The following ITGAX variants were observed in gnomAD, a reference collection of about 807,000 sequenced individuals.
The protein encoded by ITGAX is integrin alpha-X.
A neutral mutation model predicts 140.2 loss-of-function variants in ITGAX; 99 were observed. The ratio of observed to expected loss-of-function variants is 0.71; its 90% CI spans 0.60 to 0.83. The LOEUF (loss-of-function observed/expected upper bound fraction) is 0.83. Ranked by LOEUF, ITGAX falls within the 40% of genes least tolerant of loss-of-function variation. The pLI is 0.00. For missense variants in ITGAX, 1,444 were observed against 1,482.0 expected, an observed-to-expected ratio of 0.97 and a Z score of 0.42; for synonymous variants, 631 against 600.4, an observed-to-expected ratio of 1.05 and a Z score of -0.75.
intron 20 of ITGAX, among the ~76,000 whole-genome samples, chr16:31,375,294 G>T (rs1218282984): frequency 6.6e-6 from 1 of 152,184 alleles, no homozygotes; most frequent in Admixed American, 6.5e-5. Flanking sequence ...AGGATTACAG[G>T]CGTAAGCCAC....
intron 19 of ITGAX, among the ~76,000 whole-genome samples, chr16:31,372,915 A>AAACAACAAC (rs58659724): frequency 0.018 from 2,627 of 149,636 alleles, 41 homozygotes; most frequent in African/African-American, 0.034. Context: ...CACAAAAACA[A>AAACAACAAC]AACAACAACA....
At chr16:31,374,500 C>T (rs1217695041) in intron 20 of ITGAX, among the ~76,000 whole-genome samples, 1 of 152,096 alleles carries the variant, frequency 6.6e-6, no homozygotes, top group Non-Finnish European at 1.5e-5. Context: ...AGTGCAGTGG[C>T]ACAATTTCAG....
At chr16:31,380,648 G>A (rs571821467) in intron 28 of ITGAX, 24 bp downstream of exon 28, 25 of 1,613,412 alleles carry the variant, frequency 1.5e-5, no homozygotes, top group East Asian at 6.7e-5. Context: ...GGAGGGCAGC[G>A]ACCAGGCTGG....
In ITGAX at chr16:31,373,289, G is replaced by A. The variant is rs761753729; in HGVS notation, c.2407G>A (p.Ala803Thr). 19 of 1,613,714 alleles carry A rather than the reference G, an allele frequency of 1.2e-5. No individual in the cohort carries two copies. Among genetic ancestry groups the A allele is most frequent in the South Asian group, 1.1e-4 (10 of 91,050 alleles). Residue 803 changes from alanine to threonine, a missense_variant, in exon 20 of 30, where the codon GCA (alanine) becomes ACA (threonine). By Grantham distance (58) the Ala-to-Thr change is moderately conservative (BLOSUM62 0). Transcript: ENST00000268296. ...GGTGGGGAGTAACCTGGAGCTGAAC[G>A]CAGAAGTGATGGTGTGGAATGACGG... ...LLVGSNLELNAEVMVWNDGED... is the reference protein window; with the variant it reads ...LLVGSNLELNTEVMVWNDGED...
At chr16:31,360,781 A>C in intron 8 of ITGAX, 2 of 510,114 alleles carry the variant, frequency 3.9e-6, no homozygotes, top group Non-Finnish European at 6.9e-6. Context: ...CTCCCAAAGC[A>C]CAGGGATTAC....
intron 5 of ITGAX, chr16:31,357,625 T>C (rs751743613): frequency 7.3e-5 from 37 of 506,356 alleles, no homozygotes; most frequent in Admixed American, 1.2e-4. Context: ...CACCCAGCAC[T>C]GAAAGCAACA....
rs776223901 is a variant in ITGAX at position 31,363,010 on chromosome 16, G to A, written c.1435G>A (p.Gly479Arg). 70 of 1,612,020 alleles carry A rather than the reference G, an allele frequency of 4.3e-5. No homozygotes were observed. Among genetic ancestry groups the A allele is most frequent in the Non-Finnish European group, 5.3e-5 (63 of 1,179,852 alleles). The change falls in exon 13 of 30, where the codon GGG becomes AGG. Residue 479 changes from glycine to arginine, a missense_variant. Coordinates refer to ENST00000268296, the MANE Select transcript of ITGAX (RefSeq NM_000887.5). ...CGGCAGCACCGACCTGGTCCTCATC[G>A]GGGCCCCCCATTACTACGAGCAGAC... ...SDGSTDLVLI[G>R]APHYYEQTRG...
intron 5 of ITGAX, chr16:31,358,571 C>G (rs1305243114): frequency 2.6e-5 from 4 of 152,160 alleles, no homozygotes; most frequent in African/African-American, 9.7e-5. Flanking sequence ...CACTGCACTC[C>G]AGCCTGGGTG....
intron 5 of ITGAX, among the ~76,000 whole-genome samples, chr16:31,359,173 A>T (rs2080793439): frequency 6.6e-6 from 1 of 150,654 alleles, no homozygotes; most frequent in Non-Finnish European, 1.5e-5. Flanking sequence ...AGCCTTTTTC[A>T]TTTTTTATTT....
chr16:31,373,180 A>AT, intron 19 of ITGAX, 69 bp from the exon 20 acceptor site: 1 of 743,882 alleles, frequency 1.3e-6, no homozygotes, highest in Non-Finnish European at 2.1e-6. Flanking sequence ...CACCCACCCC[A>AT]TTTTATCCCA....
chr16:31,361,705 G>A, intron 9 of ITGAX, 131 bp from the exon 10 acceptor site: 1 of 1,024,820 alleles, frequency 9.8e-7, no homozygotes, highest in Non-Finnish European at 1.5e-6. Context: ...GGAGGGCAGA[G>A]CCTGGTCCCT....
chr16:31,376,332 T>G (rs1487961753), intron 20 of ITGAX, among the ~76,000 whole-genome samples: 1 of 152,196 alleles, frequency 6.6e-6, no homozygotes, highest in Admixed American at 6.5e-5. Context: ...TTTAAAAACG[T>G]AACCTTGGCT....
chr16:31,381,430 A>G (rs1002863177), intron 29 of ITGAX, among the ~76,000 whole-genome samples: 8 of 152,148 alleles, frequency 5.3e-5, no homozygotes, highest in Non-Finnish European at 7.4e-5. Flanking sequence ...ACGGTGGCTC[A>G]TGGCTGTAAT....
Position 31,382,465 on chromosome 16 carries a change from C to T in ITGAX, c.*558C>T, listed in dbSNP as rs2081078759. On this transcript the variant is annotated 3_prime_UTR_variant, in exon 30 of 30. Coordinates refer to ENST00000268296, the MANE Select transcript of ITGAX (RefSeq NM_000887.5). ...GCTGCTCATCCCCACCTGTCTTCAA[C>T]AGCTCCCCATTACCCTCAGGACAAT... 2 of 1,532,164 alleles carry T rather than the reference C, an allele frequency of 1.3e-6. No homozygotes were observed. The highest frequency in any genetic ancestry group is 3.9e-5 in the Admixed American group (2 of 50,992). The allele number at this position is 1,532,164 out of a possible 1,614,324, so 94.9% of individuals were successfully genotyped here.
rs549010067 is a variant in ITGAX, at chr16:31,379,473, G to A, written c.2790-95G>A. On this transcript the variant is annotated intron_variant, in intron 23 of 29. Coordinates refer to ENST00000268296, the MANE Select transcript of ITGAX (RefSeq NM_000887.5). ...AGCCCTCATTCCAGGACATTCCAAG[G>A]CCCCACCGACCACCTGTCCTCTCAT... 9.9e-6 allele frequency: 12 copies of A among 1,215,092 alleles called. No homozygotes were observed. The Admixed American group carries it at 2.5e-4, about 25-fold the overall frequency. 75.3% of individuals were successfully genotyped at this position (1,215,092 alleles called of 1,614,324 possible).
intron 14 of ITGAX, among the ~76,000 whole-genome samples, chr16:31,370,805 G>T (rs1322848884): frequency 6.6e-6 from 1 of 152,162 alleles, no homozygotes; most frequent in African/African-American, 2.4e-5. Flanking sequence ...CGGCCTCGTG[G>T]CTCATACGTG....
chr16:31,356,951 G>T, intron 3 of ITGAX, 80 bp from the exon 4 acceptor site: 1 of 1,239,984 alleles, frequency 8.1e-7, no homozygotes, highest in Non-Finnish European at 1.1e-6. Context: ...TGTCTCCCAG[G>T]TGGAGGTGAC....
At chr16:31,355,566 T>C (rs892618648) in intron 1 of ITGAX, among the ~76,000 whole-genome samples, 4 of 152,220 alleles carry the variant, frequency 2.6e-5, no homozygotes, top group South Asian at 4.1e-4. Flanking sequence ...ATGCGCCAAC[T>C]TGTGCTCTGT....
chr16:31,356,512 C>A (rs1021772825), intron 2 of ITGAX, 113 bp from the exon 3 acceptor site: 2 of 662,928 alleles, frequency 3.0e-6, no homozygotes, highest in Non-Finnish European at 5.5e-6. Context: ...TTATTAAAAT[C>A]CATCTTGCAG....
Sources: gnomAD v4.1 joint callset for allele counts (sites outside exome capture counted in the v4.1 genomes callset) on GRCh38, gnomAD v4.1.1 for gene constraint, MANE v1.5 for transcripts, NCBI Gene and HGNC (gene_info 2026-07-23, HGNC 2026-07-21) for gene names.